Variants in ITGA9 observed in about 807,000 individuals in gnomAD.
ITGA9 encodes integrin alpha-9.
Under a neutral mutation model 127.8 loss-of-function variants are expected in ITGA9, and 56 were observed. The ratio of observed to expected loss-of-function variants is 0.44; its 90% CI spans 0.35 to 0.55. The LOEUF (loss-of-function observed/expected upper bound fraction) is 0.55. ITGA9 is among the 20% of genes least tolerant of loss of function. The pLI is 0.00. For missense variants in ITGA9, 1,196 were observed against 1,347.1 expected (o/e 0.89, Z 1.76); for synonymous variants, 508 against 514.5 (o/e 0.99, Z 0.17).
At chr3:37,501,346 A>G (rs966716968) in intron 5 of ITGA9, among the ~76,000 whole-genome samples, 2 of 152,260 alleles carry the variant, frequency 1.3e-5, no homozygotes, top group Admixed American at 1.3e-4. Context: ...ATGTCATCTC[A>G]TTAGCATGTT....
At chr3:37,807,306 G>T (rs1697310646) in intron 27 of ITGA9, 1 of 152,246 alleles carries the variant, frequency 6.6e-6, no homozygotes, top group African/African-American at 2.4e-5. Context: ...GCACACAGAA[G>T]CCAGGGGATA....
Position 37,772,299 on chromosome 3 carries a change from T to C in ITGA9, c.2542-5093T>C, listed in dbSNP as rs559628850. Among the ~76,000 whole-genome samples, 29 of 151,882 alleles carry C rather than the reference T, an allele frequency of 1.9e-4. No homozygotes were observed. The South Asian group carries it at 5.9e-3, about 31-fold the overall frequency. On this transcript the variant is annotated intron_variant, in intron 23 of 27. Transcript: ENST00000264741. ...GGCGTGTGCCTGTAATTCCAGCTAC[T>C]GGGGAGGGTGAGGCAGGAGAATTAC...
chr3:37,520,574 T>C (rs139528730), intron 11 of ITGA9, among the ~76,000 whole-genome samples: 79 of 152,316 alleles, frequency 5.2e-4, no homozygotes, highest in African/African-American at 1.6e-3. Flanking sequence ...CTTACGAATA[T>C]GGAAACTATT....
intron 18 of ITGA9, among the ~76,000 whole-genome samples, chr3:37,718,994 C>T (rs1701162758): frequency 6.6e-6 from 1 of 152,210 alleles, no homozygotes; most frequent in African/African-American, 2.4e-5. Flanking sequence ...GGTTCCAGTG[C>T]ACACCCCCAG....
chr3:37,452,604 GC>G lies in ITGA9; in HGVS notation c.185+49del. 1 of 1,460,052 alleles carries G rather than the reference GC, an allele frequency of 6.8e-7. No homozygotes were observed. The highest frequency in any genetic ancestry group is 1.3e-5 in the South Asian group (1 of 77,940). 90.4% of individuals were successfully genotyped at this position (1,460,052 alleles called of 1,614,324 possible). A position where few individuals can be genotyped will look rare whatever the true frequency, so the allele number is the denominator to read the frequency against. On this transcript the variant is annotated intron_variant, in intron 1 of 27. Coordinates refer to ENST00000264741, the MANE Select transcript of ITGA9 (RefSeq NM_002207.3). The surrounding 1 kb of genome is among the most constrained non-coding windows in gnomAD (Gnocchi z 7.3). ...CGCGACCCTGGCCCGCGCGGCCACC[GC>G]CCCGGCCCCCAGGCCAGCGCCGCCG...
At chr3:37,725,926 C>T (rs1376112673) in intron 18 of ITGA9, among the ~76,000 whole-genome samples, 1 of 152,222 alleles carries the variant, frequency 6.6e-6, no homozygotes, top group Non-Finnish European at 1.5e-5. Context: ...TTTACAATTT[C>T]TATGCTGCAG....
intron 17 of ITGA9, among the ~76,000 whole-genome samples, chr3:37,671,357 AG>A (rs1700636032): frequency 6.6e-6 from 1 of 152,184 alleles, no homozygotes; most frequent in African/African-American, 2.4e-5. Context: ...AGGGACAGGG[AG>A]GGGCCCACTG....
At chr3:37,615,950 G>A (rs1312926423) in intron 15 of ITGA9, among the ~76,000 whole-genome samples, 6 of 151,744 alleles carry the variant, frequency 4.0e-5, no homozygotes, top group Non-Finnish European at 7.4e-5. Flanking sequence ...AGGGTTTTTT[G>A]TGTCTCTGTT....
intron 8 of ITGA9, 102 bp from the exon 9 acceptor site, chr3:37,513,661 C>G (rs1394454361): frequency 1.5e-6 from 2 of 1,372,022 alleles, no homozygotes; most frequent in Non-Finnish European, 2.0e-6. Flanking sequence ...TGTTCAATTC[C>G]TCTGAGGGAT....
intron 15 of ITGA9, among the ~76,000 whole-genome samples, chr3:37,580,697 G>A (rs964641575): frequency 2.1e-4 from 32 of 151,772 alleles, no homozygotes; most frequent in Admixed American, 7.9e-4. Context: ...TTTTATCCTG[G>A]ATGTGCTCCT....
chr3:37,493,250 G>A (rs1273930104), intron 4 of ITGA9, among the ~76,000 whole-genome samples: 1 of 152,240 alleles, frequency 6.6e-6, no homozygotes, highest in Admixed American at 6.5e-5. Flanking sequence ...CTTGCCTGGA[G>A]TAGACACTCA....
chr3:37,648,894 T>A (rs899651816), intron 16 of ITGA9, among the ~76,000 whole-genome samples: 2 of 151,614 alleles, frequency 1.3e-5, no homozygotes, highest in African/African-American at 4.8e-5. Flanking sequence ...AACTAAATTA[T>A]GTTAATGGGT....
intron 16 of ITGA9, among the ~76,000 whole-genome samples, chr3:37,637,046 T>A (rs1700285997): frequency 1.3e-5 from 2 of 152,254 alleles, no homozygotes. Flanking sequence ...CCTTGTAGTA[T>A]AATTTAAAGT....
chr3:37,745,367 G>A (rs1234666031), intron 22 of ITGA9: 1 of 152,236 alleles, frequency 6.6e-6, no homozygotes. Flanking sequence ...AGGGAAGGAT[G>A]GGGTTAGAGC....
chr3:37,494,455 C>A, intron 4 of ITGA9, 46 bp from the exon 5 acceptor site: 1 of 1,386,120 alleles, frequency 7.2e-7, no homozygotes, highest in Non-Finnish European at 1.0e-6. Context: ...AGCTGGCATA[C>A]ACTGACATGG....
Position 37,481,525 on chromosome 3 carries a change from C to T in ITGA9, c.462C>T (p.Asp154=). Residue 154 remains aspartate (D), a synonymous_variant, in exon 4 of 28, where the codon GAC becomes GAT. Coordinates refer to ENST00000264741, the MANE Select transcript of ITGA9 (RefSeq NM_002207.3). ...GGAAGAACATCTACTATGAAGCCGA[C>T]CACATCCTACCCCATGGCTTCTGCT... The part of the protein sequence containing the change: ...HRWKNIYYEA[D]HILPHGFCYI... 3.1e-6 allele frequency: 5 copies of T among 1,614,196 alleles called. No homozygotes were observed. Among genetic ancestry groups the T allele is most frequent in the Non-Finnish European group, 4.2e-6 (5 of 1,180,020 alleles).
At chr3:37,473,599 T>C in intron 3 of ITGA9, 139 bp downstream of exon 3, 2 of 590,476 alleles carry the variant, frequency 3.4e-6, no homozygotes, top group Non-Finnish European at 6.0e-6. Flanking sequence ...ACAAATGACT[T>C]ATCTTCTTAT....
chr3:37,492,410 G>T (rs1400597903), intron 4 of ITGA9, among the ~76,000 whole-genome samples: 12 of 152,236 alleles, frequency 7.9e-5, no homozygotes, highest in Admixed American at 7.9e-4. Flanking sequence ...CTGAAACAGG[G>T]GTGCCTTTAA....
Position 37,758,524 on chromosome 3 carries a change from G to C in ITGA9, c.2541+7955G>C, listed in dbSNP as rs551499512. The stretch of plus-strand genomic sequence containing the variant: ...ATAACCAAATGATAATCTTGATAAG[G>C]GTTTCTAAAAAGTTAAAAATTAAAT... On this transcript the variant is annotated intron_variant, in intron 23 of 27. Coordinates refer to ENST00000264741, the MANE Select transcript of ITGA9 (RefSeq NM_002207.3). 2.0e-5 allele frequency among the ~76,000 whole-genome samples: 3 copies of C among 150,586 alleles called. 1 individual carries two copies. The South Asian group carries it at 6.3e-4, about 32-fold the overall frequency.
Sources: allele counts gnomAD v4.1 joint callset (sites outside exome capture counted in the v4.1 genomes callset), GRCh38; gene constraint gnomAD v4.1.1; non-coding constraint Gnocchi (gnomAD v3.1); transcripts MANE v1.5; gene names NCBI Gene and HGNC (gene_info 2026-07-23, HGNC 2026-07-21).